The following GRM5 variants were observed in gnomAD, a reference collection of about 807,000 sequenced individuals.
GRM5 encodes metabotropic glutamate receptor 5.
A neutral mutation model predicts 83.1 loss-of-function variants in GRM5; 19 were observed. That is an observed-to-expected ratio of 0.23 (90% CI 0.16 to 0.34). The LOEUF is 0.34. Among genes scored for constraint, GRM5 ranks in the 10% least tolerant of loss-of-function variants. The pLI is 1.00. For synonymous variants in GRM5, 675 were observed against 633.6 expected, an observed-to-expected ratio of 1.07 and a Z score of -0.98; for missense variants, 1,160 against 1,588.3, an observed-to-expected ratio of 0.73 and a Z score of 4.58.
intron 3 of GRM5, among the ~76,000 whole-genome samples, chr11:88,775,295 A>C (rs1942823479): frequency 1.4e-5 from 1 of 69,506 alleles, no homozygotes; most frequent in African/African-American, 5.8e-5. Flanking sequence ...TATCCCCTTT[A>C]TCATTTTTTA....
chr11:89,023,583 C>T (rs896023358), intron 2 of GRM5, among the ~76,000 whole-genome samples: 23 of 152,008 alleles, frequency 1.5e-4, no homozygotes, highest in Non-Finnish European at 3.1e-4. Flanking sequence ...CTGTGGCTCA[C>T]GCCTGTAATC....
intron 2 of GRM5, among the ~76,000 whole-genome samples, chr11:88,878,721 T>C (rs1256848448): frequency 6.6e-6 from 1 of 152,206 alleles, no homozygotes; most frequent in African/African-American, 2.4e-5. Context: ...TAACGAAGTG[T>C]AGTTCATCCA....
intron 2 of GRM5, among the ~76,000 whole-genome samples, chr11:88,958,181 C>T (rs184641742): frequency 0.012 from 1,836 of 151,576 alleles, 32 homozygotes; most frequent in African/African-American, 0.042. Flanking sequence ...CTCCAGTTTT[C>T]CCCCTCCCTT....
chr11:89,057,390 C>T (rs1421955688), intron 1 of GRM5, among the ~76,000 whole-genome samples: 1 of 152,120 alleles, frequency 6.6e-6, no homozygotes, highest in African/African-American at 2.4e-5. Flanking sequence ...GAAAATGCAG[C>T]ATCCCCACTG....
chr11:88,907,745 T>G (rs937178456), intron 2 of GRM5, among the ~76,000 whole-genome samples: 1 of 152,158 alleles, frequency 6.6e-6, no homozygotes, highest in African/African-American at 2.4e-5. Context: ...TCATTTAACT[T>G]CTCTATGCCT....
In GRM5 at chr11:88,840,032, G is replaced by T. The variant is rs1330801697; in HGVS notation, c.911+9874C>A. The stretch of plus-strand genomic sequence containing the variant: ...CTGATGGGGAAGAGGAAGGGAAGGG[G>T]TTGGTCTTGCTGTTTCAGGGGTGGC... On this transcript the variant is annotated intron_variant, in intron 3 of 9. Transcript: ENST00000305447. Among the ~76,000 whole-genome samples the T allele has an allele frequency of 2.6e-5, 4 of 152,172 alleles. No homozygotes were observed. In the East Asian group the frequency reaches 7.7e-4, roughly 29 times the overall value.
chr11:88,970,400 G>C lies in GRM5; in HGVS notation c.661+76812C>G, dbSNP rs1939131953. ...GTGAAGAGGTAGTGAAGGAGATATA[G>C]CTTCTTCTTAAACGTCTTTGTCTGG... is the stretch of plus-strand genomic sequence containing the variant. On this transcript the variant is annotated intron_variant, in intron 2 of 9. Coordinates refer to ENST00000305447, the MANE Select transcript of GRM5 (RefSeq NM_001143831.3). Among the ~76,000 whole-genome samples the C allele has an allele frequency of 2.0e-5, 3 of 152,130 alleles. No individual in the cohort carries two copies. In the South Asian group the frequency reaches 6.2e-4, roughly 31 times the overall value.
intron 2 of GRM5, among the ~76,000 whole-genome samples, chr11:88,961,411 C>T (rs1222204502): frequency 6.6e-6 from 1 of 151,156 alleles, no homozygotes; most frequent in East Asian, 1.9e-4. Context: ...CCCAAAGAGA[C>T]ACAGCAGCCA....
At chr11:88,635,433 C>A (rs945061842) in intron 4 of GRM5, among the ~76,000 whole-genome samples, 3 of 152,108 alleles carry the variant, frequency 2.0e-5, no homozygotes, top group Non-Finnish European at 2.9e-5. Context: ...CAGTGTTAAG[C>A]ACTTTTCATA....
intron 9 of GRM5, among the ~76,000 whole-genome samples, chr11:88,513,863 G>A (rs1241981936): frequency 6.6e-6 from 1 of 152,164 alleles, no homozygotes; most frequent in African/African-American, 2.4e-5. Flanking sequence ...GCAAATGCAA[G>A]GGGTTATTCA....
At chr11:88,509,581 T>C (rs1050297827) in intron 9 of GRM5, 77 bp from the exon 10 acceptor site, 2 of 1,037,096 alleles carry the variant, frequency 1.9e-6, no homozygotes, top group African/African-American at 1.6e-5. Context: ...CAATGGTGGT[T>C]GCTCATGGGC....
intron 2 of GRM5, among the ~76,000 whole-genome samples, chr11:88,935,294 T>C (rs940387165): frequency 9.2e-5 from 14 of 151,976 alleles, no homozygotes; most frequent in African/African-American, 3.4e-4. Context: ...GTGACAAGAA[T>C]GTTTAGAATA....
intron 3 of GRM5, among the ~76,000 whole-genome samples, chr11:88,805,932 T>C (rs1163618217): frequency 2.0e-5 from 3 of 152,206 alleles, no homozygotes; most frequent in Non-Finnish European, 4.4e-5. Context: ...TCTATTTCTA[T>C]AACTAGCTTT....
intron 8 of GRM5, among the ~76,000 whole-genome samples, chr11:88,549,397 G>A (rs1942453632): frequency 6.6e-6 from 1 of 150,958 alleles, no homozygotes; most frequent in African/African-American, 2.4e-5. Flanking sequence ...CGTTGCTTAT[G>A]CCACTGCACT....
intron 1 of GRM5, among the ~76,000 whole-genome samples, chr11:89,053,420 C>T (rs1325719881): frequency 1.3e-5 from 2 of 152,124 alleles, no homozygotes; most frequent in Non-Finnish European, 2.9e-5. Flanking sequence ...ATCTTACGTG[C>T]AATCAAAATA....
chr11:88,745,126 G>C (rs567913214), intron 3 of GRM5, among the ~76,000 whole-genome samples: 2 of 151,508 alleles, frequency 1.3e-5, no homozygotes, highest in South Asian at 4.2e-4. Flanking sequence ...TAAACCCAGG[G>C]TTATGGTCAC....
At chr11:88,867,745 A>G (rs1379003422) in intron 2 of GRM5, among the ~76,000 whole-genome samples, 6 of 151,726 alleles carry the variant, frequency 4.0e-5, no homozygotes, top group African/African-American at 1.5e-4. Flanking sequence ...AGAAGATGGC[A>G]TCTACAAGCC....
At chr11:88,996,723 G>A (rs1175899675) in intron 2 of GRM5, among the ~76,000 whole-genome samples, 1 of 151,998 alleles carries the variant, frequency 6.6e-6, no homozygotes, top group African/African-American at 2.4e-5. Context: ...TCTTTTTCAC[G>A]TGCCTTTGGA....
At chr11:88,858,954 C>T (rs1320635462) in intron 2 of GRM5, among the ~76,000 whole-genome samples, 1 of 151,840 alleles carries the variant, frequency 6.6e-6, no homozygotes, top group African/African-American at 2.4e-5. Context: ...CTGAGTTATA[C>T]CCTAAAGAAT....
Sources: gnomAD v4.1 joint callset for allele counts (sites outside exome capture counted in the v4.1 genomes callset) on GRCh38, gnomAD v4.1.1 for gene constraint, MANE v1.5 for transcripts, NCBI Gene and HGNC (gene_info 2026-07-23, HGNC 2026-07-21) for gene names.